Variants in FSTL5 observed in about 807,000 individuals in gnomAD.
FSTL5 encodes the protein follistatin like 5.
Under a neutral mutation model 89.1 loss-of-function variants are expected in FSTL5, and 62 were observed. That is an observed-to-expected ratio of 0.70 (90% CI 0.57 to 0.86). The LOEUF (loss-of-function observed/expected upper bound fraction) is 0.86, where lower values mean the gene tolerates loss of function less well. Ranked by LOEUF, FSTL5 falls within the 40% of genes least tolerant of loss-of-function variation. FSTL5 has a pLI of 0.00. For synonymous variants in FSTL5, 383 were observed against 346.2 expected, an observed-to-expected ratio of 1.11 and a Z score of -1.18; for missense variants, 1,057 against 1,001.6, an observed-to-expected ratio of 1.06 and a Z score of -0.75.
At chr4:161,420,910 T>C (rs1365665645) in intron 15 of FSTL5, among the ~76,000 whole-genome samples, 2 of 151,406 alleles carry the variant, frequency 1.3e-5, no homozygotes, top group Non-Finnish European at 2.9e-5. Context: ...TATGTATATA[T>C]GGTATTGGTT....
At chr4:161,469,858 G>A (rs1733876403) in intron 13 of FSTL5, among the ~76,000 whole-genome samples, 1 of 151,860 alleles carries the variant, frequency 6.6e-6, no homozygotes, top group Non-Finnish European at 1.5e-5. Context: ...TAGCCAGGAT[G>A]GTCTCAATCT....
Position 162,158,371 on chromosome 4 carries a change from G to A in FSTL5, c.-17+5244C>T, listed in dbSNP as rs934723890. Among the ~76,000 whole-genome samples the A allele has an allele frequency of 2.6e-5, 4 of 152,010 alleles. No homozygotes were observed. In the South Asian group the frequency reaches 8.3e-4, roughly 32 times the overall value. ...CATCTTTATAACATTAAATACAGAG[G>A]GAAAACCCCTTAAGGTCTTTGGTAT... On this transcript the variant is annotated intron_variant, in intron 1 of 15. Coordinates refer to ENST00000306100, the MANE Select transcript of FSTL5 (RefSeq NM_020116.5).
At chr4:162,005,652 T>G (rs1371440343) in intron 3 of FSTL5, among the ~76,000 whole-genome samples, 2 of 152,030 alleles carry the variant, frequency 1.3e-5, no homozygotes, top group African/African-American at 4.8e-5. Flanking sequence ...CATGCTCCTT[T>G]CTCTTTTGTT....
At chr4:161,447,857 C>A (rs767131964) in intron 15 of FSTL5, among the ~76,000 whole-genome samples, 1 of 152,054 alleles carries the variant, frequency 6.6e-6, no homozygotes, top group African/African-American at 2.4e-5. Flanking sequence ...TATATACACA[C>A]AGGCATATAT....
chr4:161,668,031 A>G (rs535861529), intron 6 of FSTL5, among the ~76,000 whole-genome samples: 2 of 152,268 alleles, frequency 1.3e-5, no homozygotes, highest in South Asian at 2.1e-4. Context: ...TGAAAATTAG[A>G]ACATGAAAAA....
intron 4 of FSTL5, among the ~76,000 whole-genome samples, chr4:161,904,397 T>C (rs1012515564): frequency 6.6e-6 from 1 of 152,094 alleles, no homozygotes; most frequent in African/African-American, 2.4e-5. Flanking sequence ...AAATGGAATG[T>C]TCTATTATCT....
chr4:162,136,626 T>C (rs536250664), intron 1 of FSTL5, among the ~76,000 whole-genome samples: 196 of 152,170 alleles, frequency 1.3e-3, no homozygotes, highest in African/African-American at 4.5e-3. Flanking sequence ...AGCTTGTAGA[T>C]ATAGCCATTC....
chr4:161,636,638 G>A, intron 7 of FSTL5, among the ~76,000 whole-genome samples: 1 of 130,432 alleles, frequency 7.7e-6, no homozygotes, highest in Non-Finnish European at 1.6e-5. Flanking sequence ...ACAGTCCCCA[G>A]AGTGTGATAT....
chr4:162,016,514 G>A (rs1270824562), intron 3 of FSTL5, among the ~76,000 whole-genome samples: 1 of 152,054 alleles, frequency 6.6e-6, no homozygotes, highest in Non-Finnish European at 1.5e-5. Context: ...GATAAGAAGT[G>A]GAGAAAATTT....
At chr4:162,112,407 T>C (rs2111410085) in intron 1 of FSTL5, among the ~76,000 whole-genome samples, 1 of 152,158 alleles carries the variant, frequency 6.6e-6, no homozygotes, top group Non-Finnish European at 1.5e-5. Flanking sequence ...CAGGCCGAAT[T>C]AATGTTTTAT....
intron 7 of FSTL5, among the ~76,000 whole-genome samples, chr4:161,603,237 G>A (rs996407870): frequency 1.2e-4 from 18 of 152,096 alleles, no homozygotes; most frequent in African/African-American, 4.3e-4. Context: ...AAGTGAATAT[G>A]GCAATAGAGA....
At chr4:161,594,418 A>G (rs1489272429) in intron 7 of FSTL5, among the ~76,000 whole-genome samples, 1 of 152,076 alleles carries the variant, frequency 6.6e-6, no homozygotes, top group Non-Finnish European at 1.5e-5. Flanking sequence ...GTAGCTACCT[A>G]GAGAATATAG....
At chr4:161,917,065 G>A (rs1207074371) in intron 4 of FSTL5, among the ~76,000 whole-genome samples, 2 of 152,072 alleles carry the variant, frequency 1.3e-5, no homozygotes, top group East Asian at 3.9e-4. Flanking sequence ...CCAGTTATCT[G>A]CCTCAGCCTC....
intron 13 of FSTL5, among the ~76,000 whole-genome samples, chr4:161,475,986 C>T (rs1346022655): frequency 6.6e-6 from 1 of 152,022 alleles, no homozygotes; most frequent in African/African-American, 2.4e-5. Context: ...ATCTCCTGAC[C>T]TCGTGATCCG....
intron 15 of FSTL5, among the ~76,000 whole-genome samples, chr4:161,433,430 A>G (rs1732450333): frequency 6.6e-6 from 1 of 152,084 alleles, no homozygotes; most frequent in Non-Finnish European, 1.5e-5. Flanking sequence ...AAAGCCACAT[A>G]CAACAGACCC....
At chr4:161,845,366 A>G (rs1446307200) in intron 4 of FSTL5, among the ~76,000 whole-genome samples, 3 of 152,134 alleles carry the variant, frequency 2.0e-5, no homozygotes, top group Non-Finnish European at 4.4e-5. Flanking sequence ...AGGCATGGAT[A>G]TTGTTTTTCA....
At chr4:162,121,249 T>G in intron 1 of FSTL5, among the ~76,000 whole-genome samples, 1 of 140,624 alleles carries the variant, frequency 7.1e-6, no homozygotes, top group African/African-American at 2.6e-5. Flanking sequence ...TTACTAAAAC[T>G]TAGCCAAGGA....
chr4:161,893,084 T>C (rs1447460140), intron 4 of FSTL5, among the ~76,000 whole-genome samples: 1 of 152,142 alleles, frequency 6.6e-6, no homozygotes, highest in East Asian at 1.9e-4. Context: ...GTGCAGCCAT[T>C]TACCATCTGG....
At chr4:161,392,756 CAGG>C (rs1468614131) in intron 15 of FSTL5, among the ~76,000 whole-genome samples, 1 of 152,006 alleles carries the variant, frequency 6.6e-6, no homozygotes, top group Non-Finnish European at 1.5e-5. Context: ...GTGTTTTATG[CAGG>C]AGTTGATAAA....
Sources: allele counts gnomAD v4.1 joint callset (sites outside exome capture counted in the v4.1 genomes callset), GRCh38; gene constraint gnomAD v4.1.1; transcripts MANE v1.5; gene names NCBI Gene and HGNC (gene_info 2026-07-23, HGNC 2026-07-21).